SMIM35: variants seen among roughly 807,000 people sequenced by gnomAD.
The protein encoded by SMIM35 is small integral membrane protein 35.
intron 1 of SMIM35, among the ~76,000 whole-genome samples, chr11:118,076,226 C>T (rs3758998): frequency 1.3e-5 from 2 of 151,872 alleles, no homozygotes; most frequent in African/African-American, 4.8e-5. Flanking sequence ...GAGCCAAGAT[C>T]GCGCCACTGC....
chr11:118,080,533 C>T (rs1945044925), intron 1 of SMIM35, among the ~76,000 whole-genome samples: 5 of 152,116 alleles, frequency 3.3e-5, no homozygotes, highest in Admixed American at 3.3e-4. Context: ...GTTCAGATGT[C>T]AGGGCTCCTG....
rs75839825 is a variant in SMIM35 at position 118,015,772 on chromosome 11, G to T, written c.45C>A (p.Gly15=). 3 of 399,486 alleles carry T rather than the reference G, an allele frequency of 7.5e-6. No individual in the cohort carries two copies. Among genetic ancestry groups the T allele is most frequent in the Non-Finnish European group, 1.3e-5 (3 of 226,448 alleles). 24.7% of individuals were successfully genotyped at this position (399,486 alleles called of 1,614,324 possible). A position where few individuals can be genotyped will look rare whatever the true frequency, so the allele number is the denominator to read the frequency against. ...ACACGAGCAGCAGCAAGAGCCCCAC[G>T]CCAAGGATCAGGCCCAAGGTGCTGA... ...DSISTLGLIL[G]VGLLLLLVSI... The change falls in exon 2 of 5, where the codon GGC becomes GGA. Residue 15 remains glycine (G), a synonymous_variant. Coordinates refer to ENST00000689828, the MANE Select transcript of SMIM35 (RefSeq NM_001394165.1).
chr11:118,025,961 A>G (rs956096458), intron 1 of SMIM35: 4 of 310,374 alleles, frequency 1.3e-5, no homozygotes, highest in South Asian at 5.2e-5. Flanking sequence ...TCTTGAGTTA[A>G]CTTTTGTATA....
At chr11:118,071,331 T>C (rs1944568145) in intron 1 of SMIM35, among the ~76,000 whole-genome samples, 1 of 152,208 alleles carries the variant, frequency 6.6e-6, no homozygotes, top group Non-Finnish European at 1.5e-5. Context: ...TTGGTACAGA[T>C]AATTGAGGCT....
chr11:118,007,832 C>T (rs2058129649), intron 4 of SMIM35, among the ~76,000 whole-genome samples: 1 of 152,026 alleles, frequency 6.6e-6, no homozygotes, highest in Non-Finnish European at 1.5e-5. Flanking sequence ...CCAGCACTGC[C>T]CAACCTGTTT....
At chr11:118,021,956 G>A (rs1263925539) in intron 1 of SMIM35, among the ~76,000 whole-genome samples, 3 of 151,872 alleles carry the variant, frequency 2.0e-5, no homozygotes, top group African/African-American at 4.8e-5. Flanking sequence ...CAACATCTGG[G>A]GAATACACAT....
At chr11:118,019,085 C>T (rs2058205814) in intron 1 of SMIM35, among the ~76,000 whole-genome samples, 1 of 152,046 alleles carries the variant, frequency 6.6e-6, no homozygotes, top group South Asian at 2.1e-4. Flanking sequence ...CTTTTTTATA[C>T]CATTACTTCA....
intron 1 of SMIM35, among the ~76,000 whole-genome samples, chr11:118,076,403 C>T (rs1256443339): frequency 6.6e-6 from 1 of 151,986 alleles, no homozygotes; most frequent in Non-Finnish European, 1.5e-5. Context: ...GCTGAGATTG[C>T]GCCCCTGCAC....
intron 1 of SMIM35, among the ~76,000 whole-genome samples, chr11:118,038,700 C>CAA (rs59464765): frequency 1.6e-4 from 22 of 134,666 alleles, no homozygotes; most frequent in Middle Eastern, 3.7e-3. Flanking sequence ...AGCAAAAAAA[C>CAA]AAAAAAAAAA....
chr11:118,082,193 C>T (rs1945188127), intron 1 of SMIM35, among the ~76,000 whole-genome samples: 1 of 152,190 alleles, frequency 6.6e-6, no homozygotes, highest in East Asian at 1.9e-4. Flanking sequence ...TTGAGAAGCA[C>T]TTTCACATCC....
intron 1 of SMIM35, among the ~76,000 whole-genome samples, chr11:118,057,934 A>G (rs1944340214): frequency 6.6e-6 from 1 of 152,204 alleles, no homozygotes; most frequent in East Asian, 1.9e-4. Flanking sequence ...ATGAAACACA[A>G]ACAGACATTA....
chr11:118,074,708 C>T (rs987474881), intron 1 of SMIM35, among the ~76,000 whole-genome samples: 4 of 150,836 alleles, frequency 2.7e-5, no homozygotes, highest in Admixed American at 2.0e-4. Context: ...GGCTGCACCA[C>T]TGCACTCCAG....
chr11:118,034,538 C>T (rs1480498508), intron 1 of SMIM35, among the ~76,000 whole-genome samples: 1 of 152,180 alleles, frequency 6.6e-6, no homozygotes, highest in Non-Finnish European at 1.5e-5. Context: ...GCCTGGGCAA[C>T]ATGGCAAGAC....
At chr11:118,017,124 G>C (rs981766431) in intron 1 of SMIM35, among the ~76,000 whole-genome samples, 4 of 152,104 alleles carry the variant, frequency 2.6e-5, no homozygotes, top group Non-Finnish European at 5.9e-5. Flanking sequence ...GCCAGAACAA[G>C]AATTACCCTC....
intron 1 of SMIM35, among the ~76,000 whole-genome samples, chr11:118,075,284 G>C (rs2135149953): frequency 6.6e-6 from 1 of 152,346 alleles, no homozygotes; most frequent in East Asian, 1.9e-4. Context: ...CAGTAAGGAA[G>C]GGCTGGGGCT....
At chr11:118,050,839 T>A (rs11216734) in intron 1 of SMIM35, among the ~76,000 whole-genome samples, 47,819 of 152,066 alleles carry the variant, frequency 0.31, 7,538 homozygotes, top group East Asian at 0.37. Flanking sequence ...CAGGGATGCA[T>A]CTTGAATCCC....
intron 1 of SMIM35, among the ~76,000 whole-genome samples, chr11:118,049,409 C>T (rs1269455361): frequency 2.3e-5 from 3 of 133,154 alleles, no homozygotes; most frequent in Non-Finnish European, 3.0e-5. Flanking sequence ...AGTGCAGTGG[C>T]GCGATCTCTG....
At chr11:118,063,485 G>A (rs933503641) in intron 1 of SMIM35, among the ~76,000 whole-genome samples, 4 of 152,100 alleles carry the variant, frequency 2.6e-5, no homozygotes, top group African/African-American at 9.7e-5. Context: ...TTGGTCCTCA[G>A]CCCCATTTCC....
intron 1 of SMIM35, among the ~76,000 whole-genome samples, chr11:118,048,701 T>G (rs928605035): frequency 6.6e-6 from 1 of 150,896 alleles, no homozygotes. Flanking sequence ...GATGCAAAAG[T>G]CATAAAGTAT....
Sources: allele counts gnomAD v4.1 joint callset (sites outside exome capture counted in the v4.1 genomes callset), GRCh38; gene constraint gnomAD v4.1.1; transcripts MANE v1.5; gene names NCBI Gene and HGNC (gene_info 2026-07-23, HGNC 2026-07-21).